Variants in ATAD2B observed in about 807,000 individuals in gnomAD.
ATAD2B encodes ATPase family AAA domain-containing protein 2B.
A neutral mutation model predicts 167.6 loss-of-function variants in ATAD2B; 40 were observed. That is an observed-to-expected ratio of 0.24 (90% confidence interval 0.19 to 0.31). The LOEUF (loss-of-function observed/expected upper bound fraction) is 0.31. ATAD2B is among the 10% of genes least tolerant of loss of function. ATAD2B has a pLI of 1.00. For synonymous variants in ATAD2B, 579 were observed against 596.5 expected (o/e 0.97, Z 0.43); for missense variants, 1,242 against 1,757.2 (o/e 0.71, Z 5.24).
chr2:23,781,960 G>A (rs2712088), intron 22 of ATAD2B, among the ~76,000 whole-genome samples: 5,620 of 152,088 alleles, frequency 0.037, 105 homozygotes, highest in South Asian at 0.046. Flanking sequence ...CTACAAGTGC[G>A]CAACCACCAC....
chr2:23,881,832 G>A lies in ATAD2B; in HGVS notation c.785-1077C>T, dbSNP rs563555420. On this transcript the variant is annotated intron_variant, in intron 6 of 27. Transcript: ENST00000238789. ...TCTGCCTCCCAGGCTCAGGCGATTC[G>A]CCTGCCTCAGCCTCCTGAGTAGCTG... Among the ~76,000 whole-genome samples the A allele has an allele frequency of 1.4e-3, 215 of 149,050 alleles. 1 individual carries two copies. The Middle Eastern group carries it at 0.015, about 10-fold the overall frequency.
chr2:23,734,334 T>G, the ATAD2B span, among the ~76,000 whole-genome samples: 1 of 152,028 alleles, frequency 6.6e-6, no homozygotes, highest in African/African-American at 2.4e-5. Flanking sequence ...TTTTTTTGCA[T>G]TTTTTAGTAG....
At chr2:23,905,210 A>T (rs1701330253) in intron 1 of ATAD2B, among the ~76,000 whole-genome samples, 1 of 152,232 alleles carries the variant, frequency 6.6e-6, no homozygotes, top group South Asian at 2.1e-4. Flanking sequence ...AGAAAGAGAC[A>T]ATGTAGGTAC....
At chr2:23,807,876 TAAAA>T (rs1319796666) in intron 18 of ATAD2B, among the ~76,000 whole-genome samples, 1 of 135,092 alleles carries the variant, frequency 7.4e-6, no homozygotes, top group Non-Finnish European at 1.5e-5. Flanking sequence ...ATTTTATATA[TAAAA>T]AATAAATGTA....
chr2:23,819,859 C>A lies in ATAD2B; in HGVS notation c.2155G>T (p.Asp719Tyr). 2.5e-6 allele frequency: 4 copies of A among 1,582,856 alleles called. No individual in the cohort carries two copies. Among genetic ancestry groups the A allele is most frequent in the Non-Finnish European group, 3.5e-6 (4 of 1,153,788 alleles). ...GATAAAGCATTTTCATCTTCACTATCCTCTAAAATTAAAGTTTCTATATCT... is the reference window on the plus strand; with the variant it reads ...GATAAAGCATTTTCATCTTCACTATACTCTAAAATTAAAGTTTCTATATCT... ...KEDIETLILE[D>Y]SEDENALSIF... The change falls in exon 17 of 28, where the codon GAT (aspartate) becomes TAT (tyrosine). Residue 719 changes from aspartate (D) to tyrosine (Y), a missense_variant. Transcript: ENST00000238789.
At chr2:23,893,085 C>A (rs953713821) in intron 2 of ATAD2B, among the ~76,000 whole-genome samples, 1 of 152,094 alleles carries the variant, frequency 6.6e-6, no homozygotes, top group Admixed American at 6.6e-5. Context: ...CCTTTAAACC[C>A]AGGTTTCACC....
At chr2:23,776,338 C>A (rs1327534780) in intron 22 of ATAD2B, among the ~76,000 whole-genome samples, 2 of 152,158 alleles carry the variant, frequency 1.3e-5, no homozygotes, top group Non-Finnish European at 2.9e-5. Flanking sequence ...TATATTTAAT[C>A]CCTGCAGCCA....
intron 1 of ATAD2B, among the ~76,000 whole-genome samples, chr2:23,911,327 G>A (rs1293360047): frequency 2.0e-5 from 3 of 152,180 alleles, no homozygotes; most frequent in African/African-American, 7.2e-5. Flanking sequence ...GGCCAAGGTA[G>A]GCAGATCGCT....
chr2:23,696,173 G>C, the ATAD2B span: 7 of 1,535,174 alleles, frequency 4.6e-6, no homozygotes, highest in Non-Finnish European at 6.2e-6. The surrounding 1 kb of genome is among the most constrained non-coding windows in gnomAD (Gnocchi z 5.5). Flanking sequence ...AGGCATGGGG[G>C]TCCCAAGGGG....
intron 12 of ATAD2B, among the ~76,000 whole-genome samples, chr2:23,859,699 G>C (rs1333629878): frequency 1.3e-5 from 2 of 152,068 alleles, no homozygotes. Context: ...TGTAATCCCA[G>C]CACTTTGGGA....
intron 22 of ATAD2B, among the ~76,000 whole-genome samples, chr2:23,776,805 T>C (rs1679209597): frequency 6.6e-6 from 1 of 152,224 alleles, no homozygotes; most frequent in Non-Finnish European, 1.5e-5. Flanking sequence ...TAATATTTGT[T>C]ATTATAATCA....
At chr2:23,687,441 C>T in the ATAD2B span, among the ~76,000 whole-genome samples, 2 of 152,226 alleles carry the variant, frequency 1.3e-5, no homozygotes, top group Non-Finnish European at 2.9e-5. Context: ...CCAGTGCAGA[C>T]GCCCTGCCCC....
chr2:23,708,416 G>C, the ATAD2B span: 2 of 152,170 alleles, frequency 1.3e-5, no homozygotes, highest in African/African-American at 4.8e-5. Flanking sequence ...TCCAAAGGAG[G>C]TTCTAGTTGT....
the ATAD2B span, among the ~76,000 whole-genome samples, chr2:23,741,581 C>A: frequency 2.1e-4 from 32 of 152,052 alleles, no homozygotes; most frequent in East Asian, 1.4e-3. Flanking sequence ...TAAACGTTAG[C>A]CCTAAAACCA....
chr2:23,890,134 G>C (rs1330798040), intron 2 of ATAD2B, among the ~76,000 whole-genome samples: 1 of 152,064 alleles, frequency 6.6e-6, no homozygotes, highest in East Asian at 1.9e-4. Context: ...AGAATGGCGT[G>C]AACCTGGGAG....
chr2:23,823,972 G>T (rs1034859944), intron 15 of ATAD2B, among the ~76,000 whole-genome samples: 2 of 151,370 alleles, frequency 1.3e-5, no homozygotes, highest in Non-Finnish European at 2.9e-5. Context: ...AGAGACAGGG[G>T]TCTCACTCTG....
chr2:23,862,340 CA>C (rs1694509833), intron 12 of ATAD2B, among the ~76,000 whole-genome samples: 1 of 150,840 alleles, frequency 6.6e-6, no homozygotes, highest in African/African-American at 2.4e-5. Flanking sequence ...GCTGCATTGC[CA>C]AATATGAACA....
In ATAD2B at chr2:23,789,591, T is replaced by C. The variant is rs576018463; in HGVS notation, c.2641-944A>G. 1.5e-3 allele frequency among the ~76,000 whole-genome samples: 230 copies of C among 152,276 alleles called. 5 individuals are homozygous for C. In the South Asian group the frequency reaches 0.027, roughly 18 times the overall value. Reference sequence around the variant, plus strand: ...GGAGAAAGTCACCAGTATGGAAAGATAGACCAACCATGACACTGTGAAAAT... The same window carrying C: ...GGAGAAAGTCACCAGTATGGAAAGACAGACCAACCATGACACTGTGAAAAT... On this transcript the variant is annotated intron_variant, in intron 19 of 27. Coordinates refer to ENST00000238789, the MANE Select transcript of ATAD2B (RefSeq NM_017552.4).
the ATAD2B span, among the ~76,000 whole-genome samples, chr2:23,699,147 A>C: frequency 6.6e-6 from 1 of 152,218 alleles, no homozygotes; most frequent in Non-Finnish European, 1.5e-5. Context: ...TGGACGTCAC[A>C]TCACCCTCGC....
Sources: gnomAD v4.1 joint callset for allele counts (sites outside exome capture counted in the v4.1 genomes callset) on GRCh38, gnomAD v4.1.1 for gene constraint, Gnocchi (gnomAD v3.1) non-coding constraint, MANE v1.5 for transcripts, NCBI Gene and HGNC (gene_info 2026-07-23, HGNC 2026-07-21) for gene names.